WDR89: variants seen among roughly 807,000 people sequenced by gnomAD.
WDR89 encodes WD repeat domain 89.
WDR89 carries 17 observed loss-of-function variants against 29.1 expected under a neutral mutation model. The observed-to-expected ratio is 0.58, with a 90% CI of 0.40 to 0.88. The LOEUF (loss-of-function observed/expected upper bound fraction) is 0.88. Among genes scored for constraint, WDR89 ranks in the 40% least tolerant of loss-of-function variants. WDR89 has a pLI of 0.00. For missense variants in WDR89, 396 were observed against 456.3 expected, an observed-to-expected ratio of 0.87 and a Z score of 1.20; for synonymous variants, 138 against 157.8, an observed-to-expected ratio of 0.87 and a Z score of 0.94.
chr14:63,633,740 T>C (rs1298587217), intron 1 of WDR89, among the ~76,000 whole-genome samples: 2 of 152,166 alleles, frequency 1.3e-5, no homozygotes, highest in Non-Finnish European at 2.9e-5. Flanking sequence ...TCCTCTCTAC[T>C]GAACACAGTA....
intron 1 of WDR89, among the ~76,000 whole-genome samples, chr14:63,639,897 A>C (rs1883992559): frequency 6.6e-6 from 1 of 152,180 alleles, no homozygotes; most frequent in Non-Finnish European, 1.5e-5. Context: ...CAGGAGGATC[A>C]CTTGAGCTCA....
At chr14:63,621,557 G>A (rs913695570) in intron 2 of WDR89, among the ~76,000 whole-genome samples, 5 of 151,890 alleles carry the variant, frequency 3.3e-5, no homozygotes, top group African/African-American at 4.8e-5. Context: ...GAGATCACAC[G>A]ATTGCACTGC....
At chr14:63,633,211 C>T (rs1355217273) in intron 1 of WDR89, among the ~76,000 whole-genome samples, 14 of 151,826 alleles carry the variant, frequency 9.2e-5, no homozygotes, top group Non-Finnish European at 4.4e-5. Context: ...ACAGGATTTC[C>T]ACCCCTTTTA....
chr14:63,603,946 G>C (rs1422149454), intron 2 of WDR89, among the ~76,000 whole-genome samples: 3 of 152,166 alleles, frequency 2.0e-5, no homozygotes, highest in African/African-American at 7.2e-5. Context: ...TCCTGCCTCA[G>C]GACTGCAGCA....
At chr14:63,611,407 T>C (rs1326129283) in intron 2 of WDR89, among the ~76,000 whole-genome samples, 3 of 146,558 alleles carry the variant, frequency 2.0e-5, no homozygotes, top group Admixed American at 1.4e-4. Context: ...TCATCACAGA[T>C]TGGGGGAGAT....
chr14:63,614,403 G>A (rs1882180110), intron 2 of WDR89, among the ~76,000 whole-genome samples: 1 of 151,500 alleles, frequency 6.6e-6, no homozygotes, highest in African/African-American at 2.4e-5. Context: ...GACCTCCCTG[G>A]CTCAAGCAAT....
chr14:63,623,691 G>A (rs1194390031), intron 2 of WDR89, among the ~76,000 whole-genome samples: 1 of 105,816 alleles, frequency 9.5e-6, no homozygotes, highest in Non-Finnish European at 1.7e-5. Flanking sequence ...GAGACAGAGT[G>A]AGACTCTGTC....
rs1404562749 is a variant in WDR89, at chr14:63,599,371, G to A, written c.572C>T (p.Ser191Phe). Residue 191 changes from serine to phenylalanine, a missense_variant, in exon 3 of 3, where the codon TCT (serine) becomes TTT (phenylalanine). Ser to Phe is a radical substitution (Grantham distance 155). Coordinates refer to ENST00000620954, the MANE Select transcript of WDR89 (RefSeq NM_080666.4). Reference protein sequence around the residue: ...SNPNMVVSGSSDGLVNVFDIN... With the variant: ...SNPNMVVSGSFDGLVNVFDIN... ...ATCAAATACATTTACCAGGCCATCAGATGAACCTGAGACTACCATGTTGGG... is the reference window on the plus strand; with the variant it reads ...ATCAAATACATTTACCAGGCCATCAAATGAACCTGAGACTACCATGTTGGG... 1 of 1,614,168 alleles carries A rather than the reference G, an allele frequency of 6.2e-7. No homozygotes were observed.
intron 2 of WDR89, among the ~76,000 whole-genome samples, chr14:63,603,823 C>T (rs766209324): frequency 7.9e-5 from 12 of 152,168 alleles, no homozygotes; most frequent in Non-Finnish European, 1.3e-4. Flanking sequence ...GACCATTTTC[C>T]AGTAACGCTG....
chr14:63,641,017 G>A (rs1179047785), intron 1 of WDR89, among the ~76,000 whole-genome samples: 22 of 146,294 alleles, frequency 1.5e-4, no homozygotes, highest in Non-Finnish European at 2.8e-4. Flanking sequence ...AGAATCGCTT[G>A]AACCCGGGGG....
Position 63,627,331 on chromosome 14 carries a change from T to C in WDR89, c.-137-2298A>G, listed in dbSNP as rs961077181. 2.6e-4 allele frequency among the ~76,000 whole-genome samples: 40 copies of C among 152,238 alleles called. 1 individual carries two copies. Among genetic ancestry groups the C allele is most frequent in the African/African-American group, 9.4e-4 (39 of 41,530 alleles). On this transcript the variant is annotated intron_variant, in intron 1 of 2. Transcript: ENST00000620954. Reference sequence around the variant, plus strand: ...GTAAGGAAGGATATTTATTAAAGAATTGTAATAACAAAAAAACCTAACAGC... The same window carrying C: ...GTAAGGAAGGATATTTATTAAAGAACTGTAATAACAAAAAAACCTAACAGC...
chr14:63,620,286 A>T (rs1595029608), intron 2 of WDR89, among the ~76,000 whole-genome samples: 1 of 152,184 alleles, frequency 6.6e-6, no homozygotes. Flanking sequence ...CATTTGTGAA[A>T]CAGGGATAAA....
intron 2 of WDR89, among the ~76,000 whole-genome samples, chr14:63,618,767 C>A (rs1441977658): frequency 6.6e-6 from 1 of 152,140 alleles, no homozygotes; most frequent in African/African-American, 2.4e-5. Context: ...GCCACATTAT[C>A]TTGAAATGTC....
At chr14:63,599,995 A>ATAC in intron 2 of WDR89, 22 bp from the exon 3 acceptor site, 2 of 1,292,584 alleles carry the variant, frequency 1.5e-6, no homozygotes, top group Non-Finnish European at 2.0e-6. Flanking sequence ...AATAATAATA[A>ATAC]AAATAAAAAT....
At chr14:63,628,206 T>C (rs1350815330) in intron 1 of WDR89, among the ~76,000 whole-genome samples, 1 of 152,146 alleles carries the variant, frequency 6.6e-6, no homozygotes, top group Non-Finnish European at 1.5e-5. Context: ...CCATGATCAC[T>C]CCAGTCCAGG....
intron 2 of WDR89, among the ~76,000 whole-genome samples, chr14:63,613,960 T>C (rs935022405): frequency 1.3e-5 from 2 of 152,008 alleles, no homozygotes; most frequent in African/African-American, 4.8e-5. Context: ...ATTACTGAAA[T>C]TTTAATGATG....
intron 1 of WDR89, among the ~76,000 whole-genome samples, chr14:63,634,445 C>T (rs1249873095): frequency 6.6e-6 from 1 of 151,638 alleles, no homozygotes; most frequent in African/African-American, 2.4e-5. Flanking sequence ...ACTACTTGAA[C>T]CAGGAGGCAG....
chr14:63,601,651 T>C (rs1895070141), intron 2 of WDR89: 1 of 1,613,288 alleles, frequency 6.2e-7, no homozygotes, highest in Non-Finnish European at 8.5e-7. Flanking sequence ...GTAGTCGCTG[T>C]TGGATCGGGT....
rs1456407862 is a variant in WDR89, at chr14:63,609,414, C to G, written c.-31-9441G>C. On this transcript the variant is annotated intron_variant, in intron 2 of 2. Transcript: ENST00000620954. ...AATATCAAATAAACAACTCTCAAAT[C>G]TGAATAAACTACAGCCACACCAAAT... Among the ~76,000 whole-genome samples the G allele has an allele frequency of 2.6e-5, 4 of 152,296 alleles. No individual in the cohort carries two copies. In the East Asian group the frequency reaches 7.7e-4, roughly 29 times the overall value.
Sources: gnomAD v4.1 joint callset for allele counts (sites outside exome capture counted in the v4.1 genomes callset) on GRCh38, gnomAD v4.1.1 for gene constraint, MANE v1.5 for transcripts, NCBI Gene and HGNC (gene_info 2026-07-23, HGNC 2026-07-21) for gene names.